Variants in CCDC144A observed in about 807,000 individuals in gnomAD.
CCDC144A encodes coiled-coil domain containing 144A, also known as coiled-coil domain-containing protein 144A.
A neutral mutation model predicts 143.8 loss-of-function variants in CCDC144A; 41 were observed. That is an observed-to-expected ratio of 0.29 (90% CI 0.22 to 0.37). The LOEUF is 0.37. Ranked by LOEUF, CCDC144A falls within the 10% of genes least tolerant of loss-of-function variation. CCDC144A has a pLI of 1.00. For synonymous variants in CCDC144A, 242 were observed against 517.9 expected, an observed-to-expected ratio of 0.47 and a Z score of 7.23; for missense variants, 637 against 1,488.8, an observed-to-expected ratio of 0.43 and a Z score of 9.41.
rs374199794 is a variant in CCDC144A at position 16,769,918 on chromosome 17, G to C, written c.4099-2059G>C. Among the ~76,000 whole-genome samples, 32 of 150,814 alleles carry C rather than the reference G, an allele frequency of 2.1e-4. No homozygotes were observed. The East Asian group carries it at 3.4e-3, about 16-fold the overall frequency. Reference sequence around the variant, plus strand: ...TCTCTGCTCACTGCAACCTCTGCCTGCCGGGTTCAAGCGATTCTCCTGCCT... The same window carrying C: ...TCTCTGCTCACTGCAACCTCTGCCTCCCGGGTTCAAGCGATTCTCCTGCCT... On this transcript the variant is annotated intron_variant, in intron 15 of 16. Transcript: ENST00000399273.
chr17:16,751,234 T>C (rs565532023), intron 12 of CCDC144A, among the ~76,000 whole-genome samples: 2 of 152,170 alleles, frequency 1.3e-5, no homozygotes, highest in Non-Finnish European at 2.9e-5. Flanking sequence ...CTCTTGAGGG[T>C]TTGTGGTGTG....
chr17:16,677,715 G>A, the CCDC144A span, among the ~76,000 whole-genome samples: 49 of 151,816 alleles, frequency 3.2e-4, no homozygotes, highest in South Asian at 8.4e-4. Flanking sequence ...TACTCAGGAG[G>A]CTAATCACTT....
intron 6 of CCDC144A, among the ~76,000 whole-genome samples, chr17:16,718,053 G>A (rs901687203): frequency 3.9e-5 from 6 of 152,022 alleles, no homozygotes; most frequent in Non-Finnish European, 8.8e-5. Flanking sequence ...CTCTGAGAAG[G>A]AATATTCCCA....
intron 12 of CCDC144A, among the ~76,000 whole-genome samples, chr17:16,740,384 A>G (rs1914205163): frequency 6.6e-6 from 1 of 152,220 alleles, no homozygotes; most frequent in Admixed American, 6.5e-5. Flanking sequence ...AGTTCAATAC[A>G]TAATTCATTG....
the CCDC144A span, chr17:16,683,754 G>A: frequency 6.5e-7 from 1 of 1,541,138 alleles, no homozygotes; most frequent in African/African-American, 1.4e-5. Context: ...TGGAGATGGA[G>A]ATGAAAGCGC....
At chr17:16,731,067 C>T (rs1913719149) in intron 9 of CCDC144A, 1 of 151,744 alleles carries the variant, frequency 6.6e-6, no homozygotes, top group Admixed American at 6.6e-5. Flanking sequence ...CCATATCTCT[C>T]ATATGCAGAT....
At chr17:16,687,045 T>C (rs1264921241), upstream of CCDC144A, among the ~76,000 whole-genome samples, 1 of 152,090 alleles carries the variant, frequency 6.6e-6, no homozygotes, top group African/African-American at 2.4e-5. Context: ...GTTGGTAAAC[T>C]GGGAAAACAA....
At chr17:16,755,797 G>C (rs997480228) in intron 12 of CCDC144A, among the ~76,000 whole-genome samples, 1 of 152,220 alleles carries the variant, frequency 6.6e-6, no homozygotes, top group Non-Finnish European at 1.5e-5. Context: ...CTGAGCTCAA[G>C]CAATCCCCCC....
chr17:16,746,676 C>A (rs897717559), intron 12 of CCDC144A: 25 of 1,611,080 alleles, frequency 1.6e-5, no homozygotes, highest in Non-Finnish European at 1.9e-5. Context: ...GCGAAGAACT[C>A]GAAGTAGTCG....
chr17:16,742,731 TTTG>T (rs1372209905), intron 12 of CCDC144A, among the ~76,000 whole-genome samples: 1 of 152,178 alleles, frequency 6.6e-6, no homozygotes, highest in Non-Finnish European at 1.5e-5. Flanking sequence ...TTCTTTGTTT[TTTG>T]TTTTTTGATT....
chr17:16,758,246 A>G (rs1488162777), intron 12 of CCDC144A, among the ~76,000 whole-genome samples: 2 of 152,272 alleles, frequency 1.3e-5, no homozygotes, highest in African/African-American at 4.8e-5. Context: ...CCCCACACAC[A>G]GGTTTTATTT....
rs571589618 is a variant in CCDC144A at position 16,768,712 on chromosome 17, G to A, written c.4099-3265G>A. ...TAATCTCAAGTATAATTTAGCAGTA[G>A]CCTGTCAATAAGTTATTGCTGAAGA... On this transcript the variant is annotated intron_variant, in intron 15 of 16. Transcript: ENST00000399273. 1.8e-4 allele frequency among the ~76,000 whole-genome samples: 27 copies of A among 152,252 alleles called. No homozygotes were observed. In the South Asian group the frequency reaches 5.4e-3, roughly 30 times the overall value.
At position 16,709,074 on chromosome 17, in the gene CCDC144A, T is replaced by C; in HGVS notation, c.1017T>C (p.Asn339=). Residue 339 remains asparagine, a synonymous_variant, in exon 5 of 17, where the codon AAT becomes AAC. Coordinates refer to ENST00000399273, the MANE Select transcript of CCDC144A (RefSeq NM_001382000.1). The part of the protein sequence containing the change: ...DVKDIPFNLT[N]NIPGCEEEDA... ...AGGATATTCCCTTTAATTTGACAAA[T>C]AACATACCTGGTTGTGAGGAAGAAG... is the stretch of plus-strand genomic sequence containing the variant. 1 of 1,611,616 alleles carries C rather than the reference T, an allele frequency of 6.2e-7. No homozygotes were observed. Among genetic ancestry groups the C allele is most frequent in the South Asian group, 1.1e-5 (1 of 90,958 alleles).
At chr17:16,738,799 G>A (rs1333335527) in intron 12 of CCDC144A, among the ~76,000 whole-genome samples, 2 of 152,008 alleles carry the variant, frequency 1.3e-5, no homozygotes, top group Admixed American at 6.6e-5. Context: ...TTTCTCTTGG[G>A]TATATACATA....
In CCDC144A at chr17:16,735,051, G is replaced by C; in HGVS notation, c.2780G>C (p.Cys927Ser). 1 of 1,611,338 alleles carries C rather than the reference G, an allele frequency of 6.2e-7. No individual in the cohort carries two copies. Among genetic ancestry groups the C allele is most frequent in the East Asian group, 2.2e-5 (1 of 44,846 alleles). ...AGACTAGCTGCTGCTGTACGTGACT[G>C]TGATCAAAGTCAGACAGCAAGAGAC... The part of the protein sequence containing the change: ...RCRLAAAVRD[C>S]DQSQTARDLK... Residue 927 changes from cysteine to serine, a missense_variant, in exon 12 of 17, where the codon TGT becomes TCT. Transcript: ENST00000399273.
At chr17:16,678,875 C>A in the CCDC144A span, among the ~76,000 whole-genome samples, 1 of 151,514 alleles carries the variant, frequency 6.6e-6, no homozygotes, top group Non-Finnish European at 1.5e-5. Context: ...CTGCCTCAGC[C>A]TCCCAAGTAG....
chr17:16,733,213 A>G (rs958097857), intron 11 of CCDC144A, among the ~76,000 whole-genome samples: 22 of 149,654 alleles, frequency 1.5e-4, no homozygotes, highest in Non-Finnish European at 3.0e-4. Context: ...AAACTTGGTG[A>G]TAATTTATTG....
chr17:16,707,415 A>G (rs1239143261), intron 3 of CCDC144A, 54 bp from the exon 4 acceptor site: 15 of 953,176 alleles, frequency 1.6e-5, no homozygotes, highest in East Asian at 5.1e-5. Flanking sequence ...TATAAAGACT[A>G]TGTCTTTTAT....
chr17:16,738,711 G>A (rs1168643838), intron 12 of CCDC144A, among the ~76,000 whole-genome samples: 1 of 152,106 alleles, frequency 6.6e-6, no homozygotes, highest in African/African-American at 2.4e-5. Flanking sequence ...CCTTTGGGTT[G>A]TTTCCATGTT....
Sources: allele counts gnomAD v4.1 joint callset (sites outside exome capture counted in the v4.1 genomes callset), GRCh38; gene constraint gnomAD v4.1.1; transcripts MANE v1.5; gene names NCBI Gene and HGNC (gene_info 2026-07-23, HGNC 2026-07-21).